SLC17A8: variants seen among roughly 807,000 people sequenced by gnomAD.
SLC17A8 encodes the protein solute carrier family 17 member 8.
Under a neutral mutation model 58.0 loss-of-function variants are expected in SLC17A8, and 31 were observed. That is an observed-to-expected ratio of 0.53 (90% CI 0.40 to 0.72). The LOEUF (loss-of-function observed/expected upper bound fraction) is 0.72. Among genes scored for constraint, SLC17A8 ranks in the 30% least tolerant of loss-of-function variants. The pLI, the probability that SLC17A8 is intolerant of heterozygous loss-of-function variation, is 0.00. For missense variants in SLC17A8, 655 were observed against 727.8 expected, an observed-to-expected ratio of 0.90 and a Z score of 1.15; for synonymous variants, 228 against 249.0, an observed-to-expected ratio of 0.92 and a Z score of 0.79.
chr12:100,420,424 A>G lies in SLC17A8; in HGVS notation c.*265A>G, dbSNP rs1952940901. 2 of 421,918 alleles carry G rather than the reference A, an allele frequency of 4.7e-6. No individual in the cohort carries two copies. The highest frequency in any genetic ancestry group is 8.6e-6 in the Non-Finnish European group (2 of 231,822). 26.1% of individuals were successfully genotyped at this position (421,918 alleles called of 1,614,324 possible). A position where few individuals can be genotyped will look rare whatever the true frequency, so the allele number is the denominator to read the frequency against. ...AAGAGCTAAACTTATTCAGAAAGGA[A>G]TGACTAGAAGAAAAAGGAGACAATA... On this transcript the variant is annotated 3_prime_UTR_variant, in exon 12 of 12. Coordinates refer to ENST00000323346, the MANE Select transcript of SLC17A8 (RefSeq NM_139319.3).
At chr12:100,413,187 A>G (rs1952882796) in intron 10 of SLC17A8, among the ~76,000 whole-genome samples, 1 of 152,156 alleles carries the variant, frequency 6.6e-6, no homozygotes, top group Admixed American at 6.6e-5. Context: ...GTGGACTTTC[A>G]TACTTTAGCA....
chr12:100,371,215 G>A (rs567276246), intron 1 of SLC17A8, among the ~76,000 whole-genome samples: 13 of 152,234 alleles, frequency 8.5e-5, no homozygotes, highest in Admixed American at 3.3e-4. Flanking sequence ...CTCATTTAAC[G>A]TTCACAGTAG....
At chr12:100,374,187 T>C (rs958777616) in intron 1 of SLC17A8, among the ~76,000 whole-genome samples, 2 of 152,176 alleles carry the variant, frequency 1.3e-5, no homozygotes, top group Non-Finnish European at 2.9e-5. Context: ...GTGGCAGAGC[T>C]GGAAATCAAA....
In SLC17A8 at chr12:100,381,063, C is replaced by T; in HGVS notation, c.354+110C>T. ...CTTGGCTTACTGCAGCCCCAACCTG[C>T]CAGGTTGAAATTAACCTCCCATCTC... On this transcript the variant is annotated intron_variant, in intron 2 of 11. Transcript: ENST00000323346. The T allele has an allele frequency of 8.3e-6, 11 of 1,319,562 alleles. No individual in the cohort carries two copies. In the South Asian group the frequency reaches 1.2e-4, roughly 14 times the overall value. The allele number at this position is 1,319,562 out of a possible 1,614,324, so 81.7% of individuals were successfully genotyped here.
At chr12:100,368,763 A>G (rs539565090) in intron 1 of SLC17A8, among the ~76,000 whole-genome samples, 79 of 152,304 alleles carry the variant, frequency 5.2e-4, no homozygotes, top group African/African-American at 1.8e-3. Flanking sequence ...ACAACAATCA[A>G]ATTTTCTAAG....
At chr12:100,399,836 GA>G (rs1952779447) in intron 5 of SLC17A8, among the ~76,000 whole-genome samples, 1 of 152,238 alleles carries the variant, frequency 6.6e-6, no homozygotes, top group African/African-American at 2.4e-5. Flanking sequence ...TATGTAAGGG[GA>G]ATTATTAGGT....
intron 9 of SLC17A8, among the ~76,000 whole-genome samples, chr12:100,411,843 TTTG>T (rs1045824513): frequency 9.0e-6 from 1 of 110,538 alleles, no homozygotes; most frequent in African/African-American, 3.0e-5. Context: ...TCATGTATTG[TTTG>T]TTTTTTTTTT....
rs764736980 is a variant in SLC17A8 at position 100,418,070 on chromosome 12, A to G, written c.1339A>G (p.Ser447Gly). 6.2e-7 allele frequency: 1 copy of G among 1,614,206 alleles called. No homozygotes were observed. Among genetic ancestry groups the G allele is most frequent in the Admixed American group, 1.7e-5 (1 of 60,018 alleles). Residue 447 changes from serine to glycine, a missense_variant, in exon 11 of 12, where the codon AGC (serine) becomes GGC (glycine). Coordinates refer to ENST00000323346, the MANE Select transcript of SLC17A8 (RefSeq NM_139319.3). ...CCTGGACATTGCCCCACGCTATGCC[A>G]GCATTCTCATGGGGATCTCAAACGG... ...NHLDIAPRYA[S>G]ILMGISNGVG...
At chr12:100,402,105 C>G (rs191584593) in intron 6 of SLC17A8, among the ~76,000 whole-genome samples, 1 of 152,220 alleles carries the variant, frequency 6.6e-6, no homozygotes, top group Non-Finnish European at 1.5e-5. Flanking sequence ...AAAATACTTA[C>G]CCCTAGCTGA....
In SLC17A8 at chr12:100,409,849, G is replaced by A. The variant is rs149584946; in HGVS notation, c.1187-2921G>A. Among the ~76,000 whole-genome samples, 142 of 152,320 alleles carry A rather than the reference G, an allele frequency of 9.3e-4. 1 individual carries two copies. The highest frequency in any genetic ancestry group is 5.8e-3 in the East Asian group (30 of 5,186). The stretch of plus-strand genomic sequence containing the variant: ...TAGAGGAGTATGTCTGTGGCACAGA[G>A]GGCTATCCACAGAATGGGGGCAGTA... On this transcript the variant is annotated intron_variant, in intron 9 of 11. Coordinates refer to ENST00000323346, the MANE Select transcript of SLC17A8 (RefSeq NM_139319.3).
At chr12:100,416,190 T>C (rs1444086673) in intron 10 of SLC17A8, among the ~76,000 whole-genome samples, 5 of 152,206 alleles carry the variant, frequency 3.3e-5, no homozygotes, top group African/African-American at 7.2e-5. Flanking sequence ...CCTCCCCAAA[T>C]GTCAGGATTG....
intron 1 of SLC17A8, among the ~76,000 whole-genome samples, chr12:100,360,453 G>T (rs1402656507): frequency 3.3e-5 from 5 of 151,610 alleles, no homozygotes; most frequent in Admixed American, 1.3e-4. Flanking sequence ...TCTTTTTTTT[G>T]GGATAGGGTC....
At chr12:100,376,214 T>A (rs1005187145) in intron 1 of SLC17A8, among the ~76,000 whole-genome samples, 4 of 152,198 alleles carry the variant, frequency 2.6e-5, no homozygotes, top group Non-Finnish European at 5.9e-5. Context: ...TTTCTGTTGT[T>A]TAGGCCACCT....
At chr12:100,409,145 TTATGTATG>T (rs4015905) in intron 9 of SLC17A8, among the ~76,000 whole-genome samples, 25,355 of 143,556 alleles carry the variant, frequency 0.18, 2,498 homozygotes, top group African/African-American at 0.27. Context: ...TCATTAAACG[TTATGTATG>T]TATGTATGTA....
Position 100,402,743 on chromosome 12 carries a change from A to C in SLC17A8, c.1051A>C (p.Lys351Gln), listed in dbSNP as rs776169536. 10 of 1,613,672 alleles carry C rather than the reference A, an allele frequency of 6.2e-6. 1 individual carries two copies. In the South Asian group the frequency reaches 1.1e-4, roughly 18 times the overall value. The change falls in exon 8 of 12, where the codon AAG becomes CAG. Residue 351 changes from lysine to glutamine, a missense_variant and splice_region_variant. Transcript: ENST00000323346. ...FEEVFGFAIS[K>Q]VGLLSAVPHM... ...AGAGGTCTTTGGATTTGCAATAAGTAAGGTAAACACACAGATGCTCCAAAT... is the reference window on the plus strand; with the variant it reads ...AGAGGTCTTTGGATTTGCAATAAGTCAGGTAAACACACAGATGCTCCAAAT...
intron 1 of SLC17A8, among the ~76,000 whole-genome samples, chr12:100,376,800 G>A (rs1952597468): frequency 6.6e-6 from 1 of 151,944 alleles, no homozygotes; most frequent in Non-Finnish European, 1.5e-5. Context: ...TAGAGCATCA[G>A]TTTTCTTTCT....
intron 2 of SLC17A8, among the ~76,000 whole-genome samples, chr12:100,390,643 C>G (rs569086342): frequency 4.0e-5 from 6 of 151,884 alleles, no homozygotes; most frequent in Non-Finnish European, 5.9e-5. Context: ...CCACCGCACC[C>G]GGCCGGTTTT....
intron 2 of SLC17A8, among the ~76,000 whole-genome samples, chr12:100,389,921 A>G (rs939163682): frequency 6.6e-6 from 1 of 151,754 alleles, no homozygotes; most frequent in Non-Finnish European, 1.5e-5. Flanking sequence ...CTTGGGTTCA[A>G]GTGATTCTCC....
intron 8 of SLC17A8, among the ~76,000 whole-genome samples, chr12:100,403,771 T>C (rs1355266387): frequency 6.6e-6 from 1 of 152,210 alleles, no homozygotes; most frequent in Non-Finnish European, 1.5e-5. Flanking sequence ...TTATCTCCCA[T>C]GTGCCATGCC....
Sources: gnomAD v4.1 joint callset for allele counts (sites outside exome capture counted in the v4.1 genomes callset) on GRCh38, gnomAD v4.1.1 for gene constraint, MANE v1.5 for transcripts, NCBI Gene and HGNC (gene_info 2026-07-23, HGNC 2026-07-21) for gene names.